LOXHD1: variants seen among roughly 807,000 people sequenced by gnomAD.
The protein encoded by LOXHD1 is lipoxygenase homology domain-containing protein 1.
In LOXHD1, 205 loss-of-function variants were observed where a neutral mutation model predicts 248.2. The ratio of observed to expected loss-of-function variants is 0.83; its 90% CI spans 0.74 to 0.93. The LOEUF (loss-of-function observed/expected upper bound fraction) is 0.93. Ranked by LOEUF, LOXHD1 falls within the 40% of genes least tolerant of loss-of-function variation. LOXHD1 has a pLI of 0.00. For synonymous variants in LOXHD1, 1,113 were observed against 1,162.8 expected (o/e 0.96, Z 0.87); for missense variants, 2,930 against 2,971.6 (o/e 0.99, Z 0.33).
intron 12 of LOXHD1, among the ~76,000 whole-genome samples, chr18:46,590,046 G>A (rs188622234): frequency 1.3e-5 from 2 of 152,300 alleles, no homozygotes; most frequent in East Asian, 1.9e-4. Context: ...AGGGGAAGGC[G>A]ACAAGTTTAG....
chr18:46,540,079 C>A (rs917084132), intron 25 of LOXHD1, among the ~76,000 whole-genome samples: 2 of 152,162 alleles, frequency 1.3e-5, no homozygotes, highest in African/African-American at 4.8e-5. Flanking sequence ...TGGTCCTTAC[C>A]TCCTTTAACC....
intron 4 of LOXHD1, among the ~76,000 whole-genome samples, chr18:46,638,173 C>T (rs1568228817): frequency 2.0e-5 from 3 of 151,948 alleles, no homozygotes; most frequent in Admixed American, 2.0e-4. Context: ...ACTATATATG[C>T]ATAAAAAAGA....
chr18:46,556,073 C>A, intron 21 of LOXHD1, among the ~76,000 whole-genome samples: 1 of 150,198 alleles, frequency 6.7e-6, no homozygotes, highest in African/African-American at 2.5e-5. Flanking sequence ...ATATGAATTT[C>A]AAATTTCAGT....
intron 34 of LOXHD1, among the ~76,000 whole-genome samples, chr18:46,514,419 A>T (rs906834171): frequency 2.0e-5 from 3 of 152,092 alleles, no homozygotes; most frequent in Admixed American, 1.3e-4. Context: ...GAAGGACTCA[A>T]CCTTCCCACC....
chr18:46,524,133 T>C (rs2035712087), intron 31 of LOXHD1, among the ~76,000 whole-genome samples: 1 of 152,184 alleles, frequency 6.6e-6, no homozygotes, highest in Non-Finnish European at 1.5e-5. Flanking sequence ...ATCTCAGGAC[T>C]TCTTCCCCTG....
At chr18:46,538,098 TCTC>T in intron 26 of LOXHD1, 55 bp downstream of exon 26, 1 of 1,449,474 alleles carries the variant, frequency 6.9e-7, no homozygotes, top group Non-Finnish European at 9.3e-7. Flanking sequence ...AGGTAGGGCT[TCTC>T]CTCTCCCTCT....
chr18:46,567,507 GTTC>G (rs972210362), intron 16 of LOXHD1, among the ~76,000 whole-genome samples: 3 of 152,224 alleles, frequency 2.0e-5, no homozygotes, highest in African/African-American at 4.8e-5. Flanking sequence ...GAGTTTTGTT[GTTC>G]TTCTGTGGTG....
chr18:46,539,845 G>T (rs114016952), intron 25 of LOXHD1, among the ~76,000 whole-genome samples: 279 of 152,282 alleles, frequency 1.8e-3, no homozygotes, highest in African/African-American at 6.5e-3. Context: ...CAGTTCAAGT[G>T]GATGTCTACT....
chr18:46,656,379 G>A (rs924038481), intron 1 of LOXHD1, among the ~76,000 whole-genome samples: 3 of 152,212 alleles, frequency 2.0e-5, no homozygotes, highest in Admixed American at 1.3e-4. Context: ...GGAAAGATGA[G>A]ACTAGAAGGA....
At chr18:46,629,328 C>T (rs1310315302) in intron 4 of LOXHD1, among the ~76,000 whole-genome samples, 1 of 152,198 alleles carries the variant, frequency 6.6e-6, no homozygotes, top group Non-Finnish European at 1.5e-5. Context: ...GATTTAATTA[C>T]TCTACGATAA....
intron 16 of LOXHD1, 62 bp downstream of exon 16, chr18:46,569,380 G>A (rs1324508861): frequency 9.7e-6 from 13 of 1,345,640 alleles, no homozygotes; most frequent in Admixed American, 4.0e-5. Context: ...GTGTGGACAC[G>A]TGTGAATGTG....
At chr18:46,540,648 CTTTATCT>C (rs1297830983) in intron 25 of LOXHD1, among the ~76,000 whole-genome samples, 14 of 125,312 alleles carry the variant, frequency 1.1e-4, no homozygotes, top group African/African-American at 3.5e-4. Context: ...CATACAAACT[CTTTATCT>C]TTTTTTTTTT....
At chr18:46,648,754 G>T (rs2039067171) in intron 2 of LOXHD1, among the ~76,000 whole-genome samples, 1 of 152,222 alleles carries the variant, frequency 6.6e-6, no homozygotes, top group Admixed American at 6.5e-5. Flanking sequence ...GGTCCCTGGT[G>T]AGACCTTGTA....
At chr18:46,486,197 C>T (rs566594419) in intron 38 of LOXHD1, among the ~76,000 whole-genome samples, 1 of 152,260 alleles carries the variant, frequency 6.6e-6, no homozygotes, top group South Asian at 2.1e-4. Context: ...AAGTGTCTGG[C>T]TCAAGTGTCC....
intron 1 of LOXHD1, among the ~76,000 whole-genome samples, chr18:46,652,762 A>G (rs557613190): frequency 1.3e-4 from 20 of 152,372 alleles, no homozygotes; most frequent in African/African-American, 4.6e-4. Context: ...AAACAAAAAC[A>G]AAACCCCAGA....
intron 13 of LOXHD1, among the ~76,000 whole-genome samples, chr18:46,579,407 CG>C (rs1568198064): frequency 2.0e-5 from 3 of 151,950 alleles, no homozygotes; most frequent in Non-Finnish European, 4.4e-5. Context: ...TGAATCAGGG[CG>C]GGCCAGATAC....
chr18:46,584,908 C>A (rs576799254), intron 12 of LOXHD1, among the ~76,000 whole-genome samples: 2 of 152,204 alleles, frequency 1.3e-5, no homozygotes, highest in African/African-American at 4.8e-5. Context: ...ATTGGCTTAA[C>A]TGCTGAAAAT....
At chr18:46,521,001 G>T in intron 33 of LOXHD1, 96 bp downstream of exon 33, 2 of 1,411,576 alleles carry the variant, frequency 1.4e-6, no homozygotes, top group Non-Finnish European at 9.6e-7. Flanking sequence ...CCAGTGATGA[G>T]TCTCCTACTT....
At chr18:46,650,600 C>T (rs1025996911) in intron 1 of LOXHD1, among the ~76,000 whole-genome samples, 3 of 152,142 alleles carry the variant, frequency 2.0e-5, no homozygotes, top group Non-Finnish European at 2.9e-5. Flanking sequence ...GCCCCAAAGA[C>T]GCCCAGCTGA....
Sources: gnomAD v4.1 joint callset for allele counts (sites outside exome capture counted in the v4.1 genomes callset) on GRCh38, gnomAD v4.1.1 for gene constraint, MANE v1.5 for transcripts, NCBI Gene and HGNC (gene_info 2026-07-23, HGNC 2026-07-21) for gene names.